Variants in EPHA6 observed in about 807,000 individuals in gnomAD.
EPHA6 encodes the protein EPH receptor A6, also known as ephrin type-A receptor 6.
Under a neutral mutation model 112.0 loss-of-function variants are expected in EPHA6, and 50 were observed. The ratio of observed to expected loss-of-function variants is 0.45; its 90% CI spans 0.36 to 0.56. EPHA6 has a LOEUF of 0.56. Among genes scored for constraint, EPHA6 ranks in the 20% least tolerant of loss-of-function variants. The pLI, the probability that EPHA6 is intolerant of heterozygous loss-of-function variation, is 0.00. For missense variants in EPHA6, 1,280 were observed against 1,417.4 expected, an observed-to-expected ratio of 0.90 and a Z score of 1.56; for synonymous variants, 529 against 490.7, an observed-to-expected ratio of 1.08 and a Z score of -1.03.
chr3:97,485,918 T>C (rs886862451), intron 10 of EPHA6, among the ~76,000 whole-genome samples: 10 of 152,210 alleles, frequency 6.6e-5, no homozygotes, highest in Admixed American at 6.5e-4. Context: ...CCCTTTGTGC[T>C]ACAGCATAAC....
chr3:97,129,807 T>C (rs1240771997), intron 3 of EPHA6, among the ~76,000 whole-genome samples: 1 of 152,114 alleles, frequency 6.6e-6, no homozygotes, highest in Non-Finnish European at 1.5e-5. Context: ...TGAACTGACC[T>C]ATCAGGATTT....
chr3:96,975,688 C>A (rs2042493707), intron 2 of EPHA6, among the ~76,000 whole-genome samples: 1 of 152,108 alleles, frequency 6.6e-6, no homozygotes, highest in Admixed American at 6.6e-5. Flanking sequence ...CAAAACTTCT[C>A]ATTGAGCAGG....
chr3:97,642,141 C>G (rs1023354066), intron 14 of EPHA6, among the ~76,000 whole-genome samples: 1 of 127,600 alleles, frequency 7.8e-6, no homozygotes, highest in Non-Finnish European at 1.7e-5. Flanking sequence ...CCCTGACCCC[C>G]GAGCAGCCTA....
At chr3:97,082,244 G>A (rs968774579) in intron 3 of EPHA6, among the ~76,000 whole-genome samples, 16 of 151,958 alleles carry the variant, frequency 1.1e-4, no homozygotes, top group African/African-American at 3.6e-4. Flanking sequence ...TTTCAAAAAT[G>A]AGCGTGTATT....
intron 2 of EPHA6, among the ~76,000 whole-genome samples, chr3:96,983,381 C>T (rs1400093793): frequency 6.6e-6 from 1 of 152,112 alleles, no homozygotes; most frequent in Non-Finnish European, 1.5e-5. Context: ...AATATTGGCC[C>T]CCACTCTCTT....
intron 13 of EPHA6, among the ~76,000 whole-genome samples, chr3:97,635,399 C>T (rs566165740): frequency 6.6e-6 from 1 of 151,660 alleles, no homozygotes; most frequent in East Asian, 2.0e-4. Flanking sequence ...TGCATAATAG[C>T]CAAAAAGTAG....
intron 3 of EPHA6, among the ~76,000 whole-genome samples, chr3:97,193,746 CCATACCCACAGTA>C (rs2077368473): frequency 1.3e-5 from 2 of 152,074 alleles, no homozygotes; most frequent in South Asian, 4.1e-4. Flanking sequence ...AGTATTTTTC[CCATACCCACAGTA>C]TGACTTTAGC....
chr3:97,311,442 T>TCACACACACACACACACACACA (rs35415439), intron 5 of EPHA6, among the ~76,000 whole-genome samples: 1 of 144,058 alleles, frequency 6.9e-6, no homozygotes, highest in African/African-American at 2.5e-5. Flanking sequence ...GATTACACTT[T>TCACACACACACACACACACACA]CACACACACA....
At chr3:97,007,514 G>A (rs1427636967) in intron 3 of EPHA6, among the ~76,000 whole-genome samples, 1 of 151,120 alleles carries the variant, frequency 6.6e-6, no homozygotes, top group Non-Finnish European at 1.5e-5. Context: ...CACACAAGAT[G>A]GGTCTCCTGA....
At chr3:96,984,916 G>A (rs1199405590) in intron 2 of EPHA6, among the ~76,000 whole-genome samples, 1 of 152,228 alleles carries the variant, frequency 6.6e-6, no homozygotes, top group African/African-American at 2.4e-5. Context: ...GTATTAGGGT[G>A]GGAGTGACCC....
intron 1 of EPHA6, among the ~76,000 whole-genome samples, chr3:96,835,631 G>A (rs1473906785): frequency 6.6e-6 from 1 of 152,088 alleles, no homozygotes; most frequent in South Asian, 2.1e-4. Flanking sequence ...ATGCTAAGTG[G>A]TTTTTGCTTT....
In EPHA6 at chr3:97,751,414, T is replaced by TG. The variant is rs2107920835; in HGVS notation, c.*2713_*2714insG. On this transcript the variant is annotated 3_prime_UTR_variant, in exon 18 of 18. Transcript: ENST00000389672. ...AAATTCCTTTTAAATTATAATTTTA[T>TG]TTTTCAGAATGGTAAGCATGATAAT... is the stretch of plus-strand genomic sequence containing the variant. Among the ~76,000 whole-genome samples, 1 of 152,238 alleles carries TG rather than the reference T, an allele frequency of 6.6e-6. No individual in the cohort carries two copies. The highest frequency in any genetic ancestry group is 1.9e-4 in the East Asian group (1 of 5,188).
intron 5 of EPHA6, among the ~76,000 whole-genome samples, chr3:97,342,753 A>G (rs1438434776): frequency 6.6e-6 from 1 of 152,128 alleles, no homozygotes; most frequent in African/African-American, 2.4e-5. Context: ...ATGGAAAGAT[A>G]AAATAAGAAG....
At chr3:97,645,796 T>C (rs2094055909) in intron 14 of EPHA6, among the ~76,000 whole-genome samples, 1 of 152,246 alleles carries the variant, frequency 6.6e-6, no homozygotes, top group African/African-American at 2.4e-5. Context: ...TATATATAAC[T>C]TTCTTTGAAC....
At chr3:97,360,159 C>T (rs1265524523) in intron 5 of EPHA6, among the ~76,000 whole-genome samples, 1 of 152,130 alleles carries the variant, frequency 6.6e-6, no homozygotes, top group Non-Finnish European at 1.5e-5. Flanking sequence ...GCAAGCTGCA[C>T]CAGGAACAAG....
chr3:96,823,625 A>G (rs941994837), intron 1 of EPHA6, among the ~76,000 whole-genome samples: 5 of 151,890 alleles, frequency 3.3e-5, no homozygotes, highest in South Asian at 4.1e-4. Flanking sequence ...AGCAGATTCC[A>G]TTGTACAAAG....
chr3:96,935,660 G>C (rs1441878465), intron 2 of EPHA6, among the ~76,000 whole-genome samples: 2 of 147,592 alleles, frequency 1.4e-5, no homozygotes, highest in South Asian at 2.1e-4. Flanking sequence ...ATTTATAACA[G>C]TTCAACTTGC....
At chr3:96,957,776 A>G (rs1381878315) in intron 2 of EPHA6, among the ~76,000 whole-genome samples, 1 of 152,180 alleles carries the variant, frequency 6.6e-6, no homozygotes, top group Non-Finnish European at 1.5e-5. Context: ...ATGTTGTTAT[A>G]TGTTTGTTTT....
intron 14 of EPHA6, among the ~76,000 whole-genome samples, chr3:97,715,185 G>A (rs1445453890): frequency 1.3e-5 from 2 of 152,160 alleles, no homozygotes; most frequent in African/African-American, 4.8e-5. Flanking sequence ...CCACTCGTAT[G>A]GCCTATCTCT....
Sources: allele counts gnomAD v4.1 joint callset (sites outside exome capture counted in the v4.1 genomes callset), GRCh38; gene constraint gnomAD v4.1.1; transcripts MANE v1.5; gene names NCBI Gene and HGNC (gene_info 2026-07-23, HGNC 2026-07-21).